ZFHX3: variants seen among roughly 807,000 people sequenced by gnomAD.
The protein encoded by ZFHX3 is zinc finger homeobox 3.
Under a neutral mutation model 279.1 loss-of-function variants are expected in ZFHX3, and 42 were observed. The ratio of observed to expected loss-of-function variants is 0.15; its 90% CI spans 0.12 to 0.19. The LOEUF (loss-of-function observed/expected upper bound fraction) is 0.19. ZFHX3 is among the 10% of genes least tolerant of loss of function. ZFHX3 has a pLI of 1.00. For missense variants in ZFHX3, 4,981 were observed against 4,754.0 expected, an observed-to-expected ratio of 1.05 and a Z score of -1.40; for synonymous variants, 2,293 against 1,957.8, an observed-to-expected ratio of 1.17 and a Z score of -4.52.
At chr16:73,734,952 G>T (rs2142253532) in intron 1 of ZFHX3, among the ~76,000 whole-genome samples, 1 of 152,274 alleles carries the variant, frequency 6.6e-6, no homozygotes, top group East Asian at 1.9e-4. Context: ...CAGGAGGAAT[G>T]ATATTTTCAA....
intron 2 of ZFHX3, among the ~76,000 whole-genome samples, chr16:73,490,763 G>C (rs1416184502): frequency 6.6e-6 from 1 of 152,178 alleles, no homozygotes; most frequent in Non-Finnish European, 1.5e-5. Context: ...CTTGAACCCA[G>C]GAGGTCGATG....
intron 2 of ZFHX3, among the ~76,000 whole-genome samples, chr16:73,521,114 G>A (rs1346528722): frequency 1.3e-5 from 2 of 152,096 alleles, no homozygotes; most frequent in African/African-American, 4.8e-5. Flanking sequence ...GATTTTTAAG[G>A]CAGTTAAGGA....
chr16:73,032,339 C>CAAAAACCTGGCT (rs1964735626), intron 1 of ZFHX3, among the ~76,000 whole-genome samples: 1 of 152,022 alleles, frequency 6.6e-6, no homozygotes, highest in African/African-American at 2.4e-5. Context: ...AAAACAAAAA[C>CAAAAACCTGGCT]AAAAACCTGG....
chr16:72,996,340 T>C (rs1234961214), intron 1 of ZFHX3, among the ~76,000 whole-genome samples: 1 of 152,222 alleles, frequency 6.6e-6, no homozygotes, highest in East Asian at 1.9e-4. Context: ...CCCCTCAGTG[T>C]AGATACTTAT....
chr16:73,022,511 G>A (rs1367291698), intron 1 of ZFHX3, among the ~76,000 whole-genome samples: 2 of 152,126 alleles, frequency 1.3e-5, no homozygotes, highest in East Asian at 3.9e-4. Flanking sequence ...GGATGTTTAG[G>A]AGCATCCCTG....
At position 72,787,369 on chromosome 16, in the gene ZFHX3, G is replaced by A. The variant is rs1268697084; in HGVS notation, c.10907C>T (p.Ser3636Phe). The A allele has an allele frequency of 1.9e-6, 3 of 1,609,782 alleles. No homozygotes were observed. The highest frequency in any genetic ancestry group is 8.5e-7 in the Non-Finnish European group (1 of 1,176,934). The change falls in exon 10 of 10, where the codon TCC becomes TTC. Residue 3636 changes from serine (S) to phenylalanine (F), a missense_variant. Around this residue, in one of 7 missense-constraint regions of ZFHX3, gnomAD observed 1,034 missense variants for 786.0 expected, o/e 1.32. Transcript: ENST00000268489. ...ACTTGAGGTAACCGTTGAAGATGAGGAGAGAGGAGGAAAAGAAGGGGGCTT... is the reference window on the plus strand; with the variant it reads ...ACTTGAGGTAACCGTTGAAGATGAGAAGAGAGGAGGAAAAGAAGGGGGCTT... ...AAKPPSFPPLSSSSTVTSSSC... is the reference protein window; with the variant it reads ...AAKPPSFPPLFSSSTVTSSSC...
At chr16:73,722,880 A>G (rs1443033969) in intron 1 of ZFHX3, among the ~76,000 whole-genome samples, 1 of 152,190 alleles carries the variant, frequency 6.6e-6, no homozygotes, top group Non-Finnish European at 1.5e-5. Flanking sequence ...GTCATTTCCC[A>G]TCTTTTTCCT....
At chr16:73,178,919 G>C (rs1967726590) in intron 5 of ZFHX3, among the ~76,000 whole-genome samples, 1 of 152,086 alleles carries the variant, frequency 6.6e-6, no homozygotes. Context: ...ATAAGCTTTT[G>C]TTATATGAAG....
intron 1 of ZFHX3, among the ~76,000 whole-genome samples, chr16:73,044,128 G>A (rs374388611): frequency 7.3e-6 from 1 of 137,640 alleles, no homozygotes; most frequent in South Asian, 2.3e-4. Context: ...TTAAAACTGG[G>A]TTCCCATTTC....
chr16:73,829,939 T>C (rs370747188), intron 1 of ZFHX3, among the ~76,000 whole-genome samples: 4 of 97,150 alleles, frequency 4.1e-5, no homozygotes, highest in African/African-American at 1.7e-4. Context: ...CCACCCAGTT[T>C]GAGCTTCCCG....
Position 72,843,514 on chromosome 16 carries a change from A to C in ZFHX3, c.3449-13655T>G, listed in dbSNP as rs1042879037. On this transcript the variant is annotated intron_variant, in intron 4 of 9. Transcript: ENST00000268489. ...TGGGCGACAGAGCGAGACTCCGTCT[A>C]AAAAAAAAAAAAAAAAAAAAAAAAA... 7.3e-5 allele frequency among the ~76,000 whole-genome samples: 7 copies of C among 96,542 alleles called. No individual in the cohort carries two copies. The East Asian group carries it at 4.0e-3, about 54-fold the overall frequency. The allele number at this position is 96,542 out of a possible 152,430, so 63.3% of individuals were successfully genotyped here.
In ZFHX3 at chr16:73,807,504, G is replaced by T. The variant is rs1284797176; in HGVS notation, c.-1608+84147C>A. Among the ~76,000 whole-genome samples the T allele has an allele frequency of 2.0e-5, 3 of 152,060 alleles. No individual in the cohort carries two copies. In the East Asian group the frequency reaches 5.8e-4, roughly 29 times the overall value. Reference sequence around the variant, plus strand: ...TGGTCTTGCTGTGTCTCCCAGGCTGGGGTGCAGTAGCACAATCATAGCTCA... The same window carrying T: ...TGGTCTTGCTGTGTCTCCCAGGCTGTGGTGCAGTAGCACAATCATAGCTCA... On this transcript the variant is annotated intron_variant, in intron 1 of 17. Coordinates refer to the ZFHX3 transcript ENST00000641206.
chr16:73,456,710 G>A (rs995958427), intron 2 of ZFHX3, among the ~76,000 whole-genome samples: 2 of 152,190 alleles, frequency 1.3e-5, no homozygotes, highest in African/African-American at 4.8e-5. Context: ...TTAATAGAGT[G>A]CCGCTCCAAG....
chr16:73,223,218 A>G (rs2012480731), intron 5 of ZFHX3, among the ~76,000 whole-genome samples: 1 of 152,156 alleles, frequency 6.6e-6, no homozygotes, highest in African/African-American at 2.4e-5. Context: ...GAATTGATAA[A>G]CTAGATTTCA....
chr16:73,545,606 G>T (rs1346814657), intron 2 of ZFHX3, among the ~76,000 whole-genome samples: 1 of 152,094 alleles, frequency 6.6e-6, no homozygotes, highest in African/African-American at 2.4e-5. Context: ...CCCCAGGTTT[G>T]CTGCATTCAC....
chr16:72,805,336 T>C (rs577999208), intron 7 of ZFHX3, among the ~76,000 whole-genome samples: 1 of 152,170 alleles, frequency 6.6e-6, no homozygotes, highest in Non-Finnish European at 1.5e-5. Flanking sequence ...GAGACCCTTA[T>C]TCCTACCGCC....
intron 8 of ZFHX3, among the ~76,000 whole-genome samples, chr16:73,066,857 A>G (rs1446015075): frequency 6.6e-6 from 1 of 152,178 alleles, no homozygotes; most frequent in Non-Finnish European, 1.5e-5. Flanking sequence ...TTAGGGCCAC[A>G]GATGCGCCCT....
rs1394273802 is a variant in ZFHX3 at position 73,715,235 on chromosome 16, G to A, written c.-1607-34995C>T. Among the ~76,000 whole-genome samples, 4 of 152,062 alleles carry A rather than the reference G, an allele frequency of 2.6e-5. No homozygotes were observed. The East Asian group carries it at 7.7e-4, about 29-fold the overall frequency. On this transcript the variant is annotated intron_variant, in intron 1 of 17. Transcript: ENST00000641206. ...TGGGTTGAGACCTAGGTTTCTTAGA[G>A]CCTCATGCCCCACAGGAAATTGACC...
intron 3 of ZFHX3, among the ~76,000 whole-genome samples, chr16:72,893,246 T>C (rs1012896587): frequency 6.6e-6 from 1 of 152,206 alleles, no homozygotes; most frequent in African/African-American, 2.4e-5. Context: ...GAATAAACTA[T>C]GAAATCAGAC....
Sources: allele counts gnomAD v4.1 joint callset (sites outside exome capture counted in the v4.1 genomes callset), GRCh38; gene constraint gnomAD v4.1.1; regional missense constraint gnomAD v4.1.1; transcripts MANE v1.5; gene names NCBI Gene and HGNC (gene_info 2026-07-23, HGNC 2026-07-21).